The following KCNIP4 variants were observed in gnomAD, a reference collection of about 807,000 sequenced individuals.
KCNIP4 encodes Kv channel-interacting protein 4.
In KCNIP4, 12 loss-of-function variants were observed where a neutral mutation model predicts 34.0. The observed-to-expected ratio is 0.35, with a 90% confidence interval of 0.23 to 0.57. The LOEUF is 0.57. KCNIP4 is among the 20% of genes least tolerant of loss of function. The pLI, the probability that KCNIP4 is intolerant of heterozygous loss-of-function variation, is 0.83. For synonymous variants in KCNIP4, 124 were observed against 102.2 expected (o/e 1.21, Z -1.29); for missense variants, 238 against 311.7 (o/e 0.76, Z 1.78).
At chr4:21,100,784 C>A (rs958548837) in intron 1 of KCNIP4, among the ~76,000 whole-genome samples, 1 of 151,976 alleles carries the variant, frequency 6.6e-6, no homozygotes, top group Admixed American at 6.6e-5. Context: ...TAATAGGCAA[C>A]AATATAGTTT....
At chr4:20,817,977 T>C (rs1465291291) in intron 3 of KCNIP4, among the ~76,000 whole-genome samples, 12 of 152,172 alleles carry the variant, frequency 7.9e-5, no homozygotes, top group African/African-American at 2.7e-4. Context: ...AATTATTCTT[T>C]AGAGCTATGC....
intron 1 of KCNIP4, among the ~76,000 whole-genome samples, chr4:21,070,732 G>A (rs1744829599): frequency 7.2e-6 from 1 of 138,100 alleles, no homozygotes; most frequent in Non-Finnish European, 1.5e-5. Context: ...CTGGAGTGCG[G>A]TGGTGCAATC....
intron 1 of KCNIP4, among the ~76,000 whole-genome samples, chr4:20,909,920 C>A (rs1728169380): frequency 6.6e-6 from 1 of 152,154 alleles, no homozygotes; most frequent in African/African-American, 2.4e-5. Flanking sequence ...ATTCCCACAG[C>A]TGCCAGCACC....
chr4:21,228,637 T>C (rs950870978), intron 1 of KCNIP4, among the ~76,000 whole-genome samples: 1 of 152,178 alleles, frequency 6.6e-6, no homozygotes, highest in Admixed American at 6.5e-5. Context: ...AGGGAATATC[T>C]TTTAGTTCTC....
chr4:21,830,346 A>G (rs921400895), intron 1 of KCNIP4, among the ~76,000 whole-genome samples: 3 of 152,154 alleles, frequency 2.0e-5, no homozygotes, highest in Non-Finnish European at 4.4e-5. Context: ...GCAAATATTA[A>G]CAGATTTGAA....
At chr4:20,965,877 G>C (rs185855832) in intron 1 of KCNIP4, among the ~76,000 whole-genome samples, 1 of 152,240 alleles carries the variant, frequency 6.6e-6, no homozygotes, top group East Asian at 1.9e-4. Flanking sequence ...ACTATTTTGA[G>C]CTTTAAACTT....
At chr4:21,350,382 C>A (rs1435048523) in intron 1 of KCNIP4, among the ~76,000 whole-genome samples, 1 of 152,156 alleles carries the variant, frequency 6.6e-6, no homozygotes, top group Non-Finnish European at 1.5e-5. Context: ...GAGACCCCCA[C>A]CAGTGACTGA....
rs186233794 is a variant in KCNIP4 at position 21,044,554 on chromosome 4, C to T, written c.62-161845G>A. Among the ~76,000 whole-genome samples the T allele has an allele frequency of 8.4e-3, 1,285 of 152,286 alleles. 9 individuals are homozygous for T. The highest frequency in any genetic ancestry group is 0.051 in the Middle Eastern group (15 of 294). On this transcript the variant is annotated intron_variant, in intron 1 of 8. Coordinates refer to ENST00000382152, the MANE Select transcript of KCNIP4 (RefSeq NM_025221.6). ...CTCGATCTCTTGACCTCATGATCCACCCGCCTTGGCCTCCCAAAGTTCTGG... is the reference window on the plus strand; with the variant it reads ...CTCGATCTCTTGACCTCATGATCCATCCGCCTTGGCCTCCCAAAGTTCTGG...
chr4:21,597,260 C>A (rs779244172), intron 1 of KCNIP4, among the ~76,000 whole-genome samples: 10 of 151,968 alleles, frequency 6.6e-5, no homozygotes, highest in Admixed American at 1.3e-4. Flanking sequence ...TAAGGGGAAA[C>A]CACTTTCACT....
intron 1 of KCNIP4, among the ~76,000 whole-genome samples, chr4:21,442,174 T>C (rs994024957): frequency 1.3e-5 from 2 of 152,194 alleles, no homozygotes; most frequent in Non-Finnish European, 2.9e-5. Flanking sequence ...TGAAAGCTTA[T>C]TGAGTTAGAG....
At chr4:20,758,522 C>A (rs2149357909) in intron 4 of KCNIP4, among the ~76,000 whole-genome samples, 1 of 152,218 alleles carries the variant, frequency 6.6e-6, no homozygotes, top group Middle Eastern at 3.4e-3. Context: ...TGTGAATGAG[C>A]TTTGTGGCAT....
chr4:21,573,417 T>G (rs777464000), intron 1 of KCNIP4, among the ~76,000 whole-genome samples: 3 of 152,180 alleles, frequency 2.0e-5, no homozygotes, highest in Non-Finnish European at 4.4e-5. Context: ...TATTTCTTTA[T>G]TTATCTTGTA....
intron 1 of KCNIP4, among the ~76,000 whole-genome samples, chr4:21,927,215 T>C (rs1729296516): frequency 6.6e-6 from 1 of 152,194 alleles, no homozygotes; most frequent in Admixed American, 6.5e-5. Flanking sequence ...GTGATCAGAC[T>C]GGGCCCACTG....
At chr4:21,115,104 C>G (rs1199172937) in intron 1 of KCNIP4, among the ~76,000 whole-genome samples, 1 of 152,148 alleles carries the variant, frequency 6.6e-6, no homozygotes, top group African/African-American at 2.4e-5. Flanking sequence ...TTGTCCCTTC[C>G]CTCACATTGT....
chr4:21,672,535 A>C (rs1749585304), intron 1 of KCNIP4, among the ~76,000 whole-genome samples: 1 of 152,228 alleles, frequency 6.6e-6, no homozygotes, highest in Non-Finnish European at 1.5e-5. Flanking sequence ...TTCAGTGTAT[A>C]TTAAATATGT....
chr4:21,842,042 C>T (rs1723718155), intron 1 of KCNIP4, among the ~76,000 whole-genome samples: 1 of 152,142 alleles, frequency 6.6e-6, no homozygotes, highest in South Asian at 2.1e-4. Context: ...AAACCACATA[C>T]CTTGGCAGAA....
intron 1 of KCNIP4, among the ~76,000 whole-genome samples, chr4:21,538,992 G>C (rs1014431350): frequency 1.3e-5 from 2 of 152,034 alleles, no homozygotes; most frequent in African/African-American, 4.8e-5. Flanking sequence ...TTCTCCTGAC[G>C]GTGAATGACT....
intron 1 of KCNIP4, among the ~76,000 whole-genome samples, chr4:20,991,856 C>T (rs1435036726): frequency 6.6e-6 from 1 of 152,124 alleles, no homozygotes; most frequent in Non-Finnish European, 1.5e-5. Context: ...CCTTCCTGCT[C>T]ATTTGGGCCA....
At chr4:21,927,361 T>G (rs1578151982) in intron 1 of KCNIP4, among the ~76,000 whole-genome samples, 1 of 152,148 alleles carries the variant, frequency 6.6e-6, no homozygotes, top group Non-Finnish European at 1.5e-5. Context: ...TGGAGGCCCT[T>G]TAGTCTGCCT....
Sources: allele counts gnomAD v4.1 joint callset (sites outside exome capture counted in the v4.1 genomes callset), GRCh38; gene constraint gnomAD v4.1.1; transcripts MANE v1.5; gene names NCBI Gene and HGNC (gene_info 2026-07-23, HGNC 2026-07-21).